The following SLC66A1 variants were observed in gnomAD, a reference collection of about 807,000 sequenced individuals.
The protein encoded by SLC66A1 is lysosomal amino acid transporter 1 homolog.
In SLC66A1, 23 loss-of-function variants were observed where a neutral mutation model predicts 33.0. The observed-to-expected ratio is 0.70, with a 90% CI of 0.50 to 0.99. The LOEUF (loss-of-function observed/expected upper bound fraction) is 0.99, where lower values mean the gene tolerates loss of function less well. Ranked by LOEUF, SLC66A1 falls within the 50% of genes least tolerant of loss-of-function variation. The pLI is 0.00. For synonymous variants in SLC66A1, 164 were observed against 175.5 expected, an observed-to-expected ratio of 0.93 and a Z score of 0.52; for missense variants, 335 against 383.6, an observed-to-expected ratio of 0.87 and a Z score of 1.06.
chr1:19,313,501 G>A (rs3762391), intron 1 of SLC66A1, among the ~76,000 whole-genome samples: 41,545 of 152,128 alleles, frequency 0.27, 5,797 homozygotes, highest in Middle Eastern at 0.35. Flanking sequence ...GACGGTGGTA[G>A]CGTTCTTCAG....
Position 19,328,556 on chromosome 1 carries a change from A to G in SLC66A1, c.805-16A>G. The G allele has an allele frequency of 6.2e-7, 1 of 1,611,608 alleles. No individual in the cohort carries two copies. The highest frequency in any genetic ancestry group is 8.5e-7 in the Non-Finnish European group (1 of 1,179,168). ...CCAGTCTCTGCTCAGCTTGGCCTTA[A>G]CGGCGGCACCCCCAGATCTCCATCC... is the stretch of plus-strand genomic sequence containing the variant. On this transcript the variant is annotated splice_polypyrimidine_tract_variant and intron_variant, in intron 7 of 7. Coordinates refer to ENST00000375153, the MANE Select transcript of SLC66A1 (RefSeq NM_001040125.2). This position sits in a 1 kb window ranked among gnomAD's most constrained non-coding sequence, Gnocchi z 4.7.
the SLC66A1 span, among the ~76,000 whole-genome samples, chr1:19,334,405 A>C: frequency 6.6e-6 from 1 of 152,210 alleles, no homozygotes; most frequent in Non-Finnish European, 1.5e-5. Flanking sequence ...TTGGATGGGA[A>C]GTTATGGGTA....
downstream of SLC66A1, among the ~76,000 whole-genome samples, chr1:19,333,992 C>T (rs1475081939): frequency 1.3e-5 from 2 of 152,204 alleles, no homozygotes; most frequent in Non-Finnish European, 2.9e-5. The surrounding 1 kb of genome is among the most constrained non-coding windows in gnomAD (Gnocchi z 4.2). Context: ...AGTGGGTTAC[C>T]TTCCACCGTG....
At chr1:19,321,775 T>G (rs2093838971) in intron 2 of SLC66A1, among the ~76,000 whole-genome samples, 1 of 147,370 alleles carries the variant, frequency 6.8e-6, no homozygotes, top group Admixed American at 6.6e-5. Flanking sequence ...CCATGTTGGC[T>G]AGGCTGGTCT....
In SLC66A1 at chr1:19,326,528, C is replaced by A; in HGVS notation, c.526-3C>A. 1 of 1,614,240 alleles carries A rather than the reference C, an allele frequency of 6.2e-7. No homozygotes were observed. The highest frequency in any genetic ancestry group is 8.5e-7 in the Non-Finnish European group (1 of 1,180,032). ...ACACCAAGTGCCCCCTTCTGCCCCA[C>A]AGCCCTTCACCCGGCAGGAAGTCAT... On this transcript the variant is annotated splice_polypyrimidine_tract_variant and splice_region_variant and intron_variant, in intron 5 of 7. Transcript: ENST00000375153.
intron 1 of SLC66A1, 98 bp downstream of exon 1, chr1:19,312,987 G>T (rs1035116369): frequency 6.5e-6 from 1 of 153,752 alleles, no homozygotes; most frequent in Non-Finnish European, 1.4e-5. Flanking sequence ...CTTACTGAAG[G>T]CGCCTGTGTG....
chr1:19,327,762 G>A (rs1179765356), intron 7 of SLC66A1: 2 of 440,724 alleles, frequency 4.5e-6, no homozygotes, highest in Non-Finnish European at 9.4e-6. Flanking sequence ...GTCTAGCCAG[G>A]GACCGTCCTG....
chr1:19,324,894 G>A, intron 3 of SLC66A1, 132 bp downstream of exon 3: 2 of 1,251,510 alleles, frequency 1.6e-6, no homozygotes, highest in Non-Finnish European at 1.1e-6. Context: ...TCTTGTGGGA[G>A]GGCCCCATCC....
At chr1:19,320,045 C>T (rs1301717928) in intron 2 of SLC66A1, among the ~76,000 whole-genome samples, 8 of 149,180 alleles carry the variant, frequency 5.4e-5, no homozygotes, top group South Asian at 2.1e-4. Context: ...TACAGGCATG[C>T]GCCACCATGC....
At position 19,328,712 on chromosome 1, in the gene SLC66A1, C is replaced by T. The variant is rs977736600; in HGVS notation, c.*69C>T. 53 of 1,538,238 alleles carry T rather than the reference C, an allele frequency of 3.4e-5. No homozygotes were observed. The highest frequency in any genetic ancestry group is 5.5e-5 in the African/African-American group (4 of 73,374). On this transcript the variant is annotated 3_prime_UTR_variant, in exon 8 of 8. Coordinates refer to ENST00000375153, the MANE Select transcript of SLC66A1 (RefSeq NM_001040125.2). This position sits in a 1 kb window ranked among gnomAD's most constrained non-coding sequence, Gnocchi z 4.7. ...CACACCAGGCAGGAGGAGGTGTGGACAGTGATGGTACGGCGGCCCTGCATC... is the reference window on the plus strand; with the variant it reads ...CACACCAGGCAGGAGGAGGTGTGGATAGTGATGGTACGGCGGCCCTGCATC...
At position 19,322,228 on chromosome 1, in the gene SLC66A1, G is replaced by T. The variant is rs373427492; in HGVS notation, c.165-2405G>T. ...GTAGGTGACTGATGGGGCCGGGGGC[G>T]GGAGGCTCCCTGTCCAGGGGTGAGA... On this transcript the variant is annotated intron_variant, in intron 2 of 7. Transcript: ENST00000375153. 1.0e-3 allele frequency among the ~76,000 whole-genome samples: 157 copies of T among 151,884 alleles called. 3 individuals carry two copies. Among genetic ancestry groups the T allele is most frequent in the African/African-American group, 3.5e-3 (147 of 41,426 alleles).
chr1:19,319,871 C>G (rs1293944189), intron 2 of SLC66A1, among the ~76,000 whole-genome samples: 1 of 150,158 alleles, frequency 6.7e-6, no homozygotes, highest in Non-Finnish European at 1.5e-5. Flanking sequence ...CTACTGCACT[C>G]CAGCCTGGGG....
chr1:19,320,580 A>T (rs2093830201), intron 2 of SLC66A1, among the ~76,000 whole-genome samples: 1 of 149,944 alleles, frequency 6.7e-6, no homozygotes, highest in Non-Finnish European at 1.5e-5. Context: ...CGCCTGGCTA[A>T]TTTTTTGTAT....
chr1:19,325,643 G>GGC (rs1558152059), intron 4 of SLC66A1, 61 bp downstream of exon 4: 1 of 1,296,214 alleles, frequency 7.7e-7, no homozygotes, highest in African/African-American at 1.5e-5. Flanking sequence ...AGTTGTGGGG[G>GGC]GGGGCGCCTG....
At chr1:19,327,738 A>G (rs2093877010) in intron 7 of SLC66A1, 1 of 508,782 alleles carries the variant, frequency 2.0e-6, no homozygotes, top group African/African-American at 2.0e-5. Flanking sequence ...GCTGCAGAGA[A>G]AAACAACAAG....
Position 19,324,717 on chromosome 1 carries a change from C to CT in SLC66A1, c.250dup (p.Cys84LeufsTer10). The CT allele has an allele frequency of 1.2e-6, 2 of 1,614,230 alleles. No homozygotes were observed. The highest frequency in any genetic ancestry group is 1.7e-6 in the Non-Finnish European group (2 of 1,180,036). On this transcript the variant is annotated frameshift_variant, in exon 3 of 8. Coordinates refer to ENST00000375153, the MANE Select transcript of SLC66A1 (RefSeq NM_001040125.2). LOFTEE classifies it high-confidence loss of function. ...TCCTGGGCTGGATTGGCGGAGACTC[C>CT]TGCAACCTCATCGGCTCCTTCCTTG...
In SLC66A1 at chr1:19,316,357, G is replaced by GTGTA. The variant is rs1185642300; in HGVS notation, c.-78-1240_-78-1239insATGT. Among the ~76,000 whole-genome samples the GTGTA allele has an allele frequency of 3.9e-3, 288 of 74,488 alleles. 1 individual carries two copies. The highest frequency in any genetic ancestry group is 0.012 in the African/African-American group (279 of 22,968). The allele number at this position is 74,488 out of a possible 152,430, so 48.9% of individuals were successfully genotyped here. A position where few individuals can be genotyped will look rare whatever the true frequency, so the allele number is the denominator to read the frequency against. Reference sequence around the variant, plus strand: ...TGTGGGGCAACTCTTTATGGTTTGTGTGTGTGTGTGTGTGTGTGTGTGTGT... The same window carrying GTGTA: ...TGTGGGGCAACTCTTTATGGTTTGTGTGTATGTGTGTGTGTGTGTGTGTGTGTGT... On this transcript the variant is annotated intron_variant, in intron 1 of 7. Transcript: ENST00000375153.
downstream of SLC66A1, among the ~76,000 whole-genome samples, chr1:19,332,442 C>CA (rs2093895173): frequency 6.6e-6 from 1 of 152,154 alleles, no homozygotes; most frequent in Non-Finnish European, 1.5e-5. Context: ...GGGGGCTTAC[C>CA]AATGCCTGGA....
chr1:19,327,524 C>G (rs1295726679), intron 7 of SLC66A1, 112 bp downstream of exon 7: 3 of 1,260,158 alleles, frequency 2.4e-6, no homozygotes, highest in Non-Finnish European at 1.1e-6. Context: ...TCCGTCCATC[C>G]ATCCATCCCT....
Sources: allele counts gnomAD v4.1 joint callset (sites outside exome capture counted in the v4.1 genomes callset), GRCh38; gene constraint gnomAD v4.1.1; non-coding constraint Gnocchi (gnomAD v3.1); transcripts MANE v1.5; gene names NCBI Gene and HGNC (gene_info 2026-07-23, HGNC 2026-07-21).